MPRIP: variants seen among roughly 807,000 people sequenced by gnomAD.
The protein encoded by MPRIP is myosin phosphatase Rho-interacting protein.
In MPRIP, 59 loss-of-function variants were observed where a neutral mutation model predicts 234.9. The observed-to-expected ratio is 0.25, with a 90% confidence interval of 0.20 to 0.31. MPRIP has a LOEUF of 0.31. Ranked by LOEUF, MPRIP falls within the 10% of genes least tolerant of loss-of-function variation. MPRIP has a pLI of 1.00. For synonymous variants in MPRIP, 1,144 were observed against 1,263.9 expected (o/e 0.91, Z 2.01); for missense variants, 2,436 against 3,071.0 (o/e 0.79, Z 4.89).
intron 16 of MPRIP, among the ~76,000 whole-genome samples, chr17:17,169,277 G>T (rs191405914): frequency 1.3e-5 from 2 of 152,160 alleles, no homozygotes; most frequent in African/African-American, 4.8e-5. Flanking sequence ...CCCCAAATAC[G>T]CTTGCTAGTG....
chr17:17,168,714 A>T (rs1285769491), intron 16 of MPRIP: 2 of 379,108 alleles, frequency 5.3e-6, no homozygotes, highest in South Asian at 3.9e-5. Flanking sequence ...AAAGTTTACC[A>T]TGATACCTGT....
chr17:17,127,943 C>T (rs976790780), intron 4 of MPRIP, among the ~76,000 whole-genome samples: 2 of 152,126 alleles, frequency 1.3e-5, no homozygotes, highest in Non-Finnish European at 2.9e-5. Flanking sequence ...GTGCTCTCCC[C>T]TAGAGTCCTC....
At chr17:17,139,555 CAG>C in intron 7 of MPRIP, among the ~76,000 whole-genome samples, 1 of 152,216 alleles carries the variant, frequency 6.6e-6, no homozygotes, top group East Asian at 1.9e-4. Flanking sequence ...ACCTGGAGCT[CAG>C]AGTTAGAGAC....
chr17:17,174,180 T>C (rs1282159334), intron 19 of MPRIP, 105 bp downstream of exon 19: 1 of 1,368,596 alleles, frequency 7.3e-7, no homozygotes, highest in Non-Finnish European at 9.9e-7. Flanking sequence ...GGCCTCACCC[T>C]CAAAGTGGCA....
At chr17:17,126,588 G>C in intron 3 of MPRIP, 114 bp from the exon 4 acceptor site, 1 of 1,216,520 alleles carries the variant, frequency 8.2e-7, no homozygotes, top group Non-Finnish European at 1.1e-6. Flanking sequence ...TGGAGTGAGG[G>C]AGAGCACTCC....
In MPRIP at chr17:17,146,167, CA is replaced by C. The variant is rs1329178873; in HGVS notation, c.1560+76del. 1.4e-5 allele frequency: 20 copies of C among 1,403,508 alleles called. No homozygotes were observed. In the East Asian group the frequency reaches 2.3e-4, roughly 16 times the overall value. The allele number at this position is 1,403,508 out of a possible 1,614,324, so 86.9% of individuals were successfully genotyped here. A position where few individuals can be genotyped will look rare whatever the true frequency, so the allele number is the denominator to read the frequency against. On this transcript the variant is annotated intron_variant, in intron 10 of 23. Transcript: ENST00000651222. ...AGGGTGAGCTGTCCTTGTCCCCAGCCAGTCTGCAAGTGCTGGCTCCATGCCT... is the reference window on the plus strand; with the variant it reads ...AGGGTGAGCTGTCCTTGTCCCCAGCCGTCTGCAAGTGCTGGCTCCATGCCT...
In MPRIP at chr17:17,177,264, A is replaced by G; in HGVS notation, c.6972A>G (p.Ala2324=). ...TCACTCCCAAGGACAAGAAGTACGCAAGTGACAAGTACAAAGACATCTACA... is the reference window on the plus strand; with the variant it reads ...TCACTCCCAAGGACAAGAAGTACGCGAGTGACAAGTACAAAGACATCTACA... The part of the protein sequence containing the change: ...LQTALRDKKY[A]SDKYKDIYTE... The change falls in exon 22 of 24, where the codon GCA becomes GCG. Residue 2324 remains alanine (A), a synonymous_variant. Transcript: ENST00000651222. 2 of 1,610,950 alleles carry G rather than the reference A, an allele frequency of 1.2e-6. No individual in the cohort carries two copies. Among genetic ancestry groups the G allele is most frequent in the Non-Finnish European group, 1.7e-6 (2 of 1,178,612 alleles).
rs757703750 is a variant in MPRIP, at chr17:17,146,061, G to C, written c.1529G>C (p.Gly510Ala). ...CCCGACCTGCTGAATTTCAAGAAAG[G>C]CTGGCTGACTAAGCAGTATGAGGAC... The part of the protein sequence containing the change: ...VTPDLLNFKK[G>A]WLTKQYEDGQ... Residue 510 changes from glycine to alanine, a missense_variant, in exon 10 of 24, where the codon GGC (glycine) becomes GCC (alanine). Physicochemically the swap from Gly to Ala is moderately conservative, Grantham distance 60. This residue lies in a region of MPRIP where 1,998 missense variants were observed against 2,520.3 expected (regional missense o/e 0.79). Transcript: ENST00000651222. 2 of 1,614,094 alleles carry C rather than the reference G, an allele frequency of 1.2e-6. No individual in the cohort carries two copies. The highest frequency in any genetic ancestry group is 1.7e-6 in the Non-Finnish European group (2 of 1,180,030).
At chr17:17,067,191 T>TA (rs1357758525) in intron 1 of MPRIP, among the ~76,000 whole-genome samples, 2 of 152,246 alleles carry the variant, frequency 1.3e-5, no homozygotes, top group African/African-American at 2.4e-5. Context: ...GATTTATTCT[T>TA]ACTGTACATC....
At position 17,165,357 on chromosome 17, in the gene MPRIP, C is replaced by T; in HGVS notation, c.3766C>T (p.Leu1256=). Residue 1256 remains leucine (L), a synonymous_variant, in exon 16 of 24, where the codon CTA becomes TTA. Coordinates refer to ENST00000651222, the MANE Select transcript of MPRIP (RefSeq NM_001364716.4). ...GQPVQATRAP[L]GLPHTRLEDE... The stretch of plus-strand genomic sequence containing the variant: ...ACCAGTCCAAGCCACTAGGGCACCT[C>T]TAGGCCTCCCACACACAAGGCTCGA... 1 of 1,304,172 alleles carries T rather than the reference C, an allele frequency of 7.7e-7. No homozygotes were observed. Among genetic ancestry groups the T allele is most frequent in the Non-Finnish European group, 1.0e-6 (1 of 988,958 alleles). The allele number at this position is 1,304,172 out of a possible 1,614,324, so 80.8% of individuals were successfully genotyped here. A position where few individuals can be genotyped will look rare whatever the true frequency, so the allele number is the denominator to read the frequency against.
chr17:17,096,921 G>T (rs2089860372), intron 3 of MPRIP: 7 of 412,998 alleles, frequency 1.7e-5, no homozygotes, highest in Non-Finnish European at 3.6e-5. Flanking sequence ...CTCGTCGGCT[G>T]CTGGGAAGAC....
At position 17,158,636 on chromosome 17, in the gene MPRIP, G is replaced by A. The variant is rs1277223286; in HGVS notation, c.2034G>A (p.Val678=). The change falls in exon 14 of 24, where the codon GTG becomes GTA. Residue 678 remains valine (V), a synonymous_variant. Transcript: ENST00000651222. Reference sequence around the variant, plus strand: ...AGCAGGCCCTGGCTCAGGAGCGGGTGGGCGGCGTGGGGCCTGCTGACACCC... The same window carrying A: ...AGCAGGCCCTGGCTCAGGAGCGGGTAGGCGGCGTGGGGCCTGCTGACACCC... ...PIQQALAQER[V]GGVGPADTHE... The A allele has an allele frequency of 1.1e-5, 18 of 1,600,584 alleles. No homozygotes were observed. The highest frequency in any genetic ancestry group is 1.5e-5 in the Non-Finnish European group (18 of 1,174,234).
chr17:17,167,807 G>A lies in MPRIP; in HGVS notation c.6216G>A (p.Glu2072=), dbSNP rs2046037131. The stretch of plus-strand genomic sequence containing the variant: ...CGGGGCTGAGGGAGCGCATCCAGGA[G>A]CTGGAGGCCCAGATGGATGTCATGC... ...SMTGLRERIQ[E]LEAQMDVMRE... The change falls in exon 16 of 24, where the codon GAG becomes GAA. Residue 2072 remains glutamate (E), a synonymous_variant. Transcript: ENST00000651222. The surrounding 1 kb of genome is among the most constrained non-coding windows in gnomAD (Gnocchi z 5.9). The A allele has an allele frequency of 7.7e-7, 1 of 1,304,168 alleles. No individual in the cohort carries two copies. The highest frequency in any genetic ancestry group is 2.3e-5 in the Admixed American group (1 of 43,556). The allele number at this position is 1,304,168 out of a possible 1,614,324, so 80.8% of individuals were successfully genotyped here.
At chr17:17,112,390 C>T (rs2090190440) in intron 3 of MPRIP, among the ~76,000 whole-genome samples, 1 of 152,180 alleles carries the variant, frequency 6.6e-6, no homozygotes, top group South Asian at 2.1e-4. Flanking sequence ...GCCCTCTCTT[C>T]CCCCCGTATC....
intron 4 of MPRIP, 99 bp from the exon 5 acceptor site, chr17:17,131,518 A>G: frequency 2.1e-6 from 2 of 964,942 alleles, no homozygotes; most frequent in South Asian, 2.7e-5. Context: ...ACTGGGGACA[A>G]TGCCCTGCTC....
chr17:17,149,997 A>G, intron 11 of MPRIP, 147 bp from the exon 12 acceptor site: 1 of 641,374 alleles, frequency 1.6e-6, no homozygotes, highest in Non-Finnish European at 2.8e-6. Flanking sequence ...TGGGTCATGC[A>G]GTAGTAGGAT....
intron 3 of MPRIP, among the ~76,000 whole-genome samples, chr17:17,087,462 C>G (rs2089616842): frequency 6.6e-6 from 1 of 152,184 alleles, no homozygotes; most frequent in Admixed American, 6.5e-5. Context: ...TGGAGCAGAA[C>G]GTGCCAGAGT....
chr17:17,158,983 CCT>C lies in MPRIP; in HGVS notation c.2386_2387del (p.Leu796AlafsTer38). ...GACCGGCTCTCCACACACGAGCTGA[CCT>C]CTCTGCTCGAGAAGGAGGTAATAGC... On this transcript the variant is annotated frameshift_variant, in exon 14 of 24. Transcript: ENST00000651222. LOFTEE classifies it high-confidence loss of function. 6.2e-7 allele frequency: 1 copy of C among 1,612,344 alleles called. No homozygotes were observed. The highest frequency in any genetic ancestry group is 8.5e-7 in the Non-Finnish European group (1 of 1,179,596).
At chr17:17,091,868 C>G (rs117018336) in intron 3 of MPRIP, among the ~76,000 whole-genome samples, 1 of 152,172 alleles carries the variant, frequency 6.6e-6, no homozygotes, top group Non-Finnish European at 1.5e-5. Flanking sequence ...TTGTGCTCCA[C>G]GAGAAAAGAT....
Sources: gnomAD v4.1 joint callset for allele counts (sites outside exome capture counted in the v4.1 genomes callset) on GRCh38, gnomAD v4.1.1 for gene constraint, gnomAD v4.1.1 regional missense constraint, Gnocchi (gnomAD v3.1) non-coding constraint, MANE v1.5 for transcripts, NCBI Gene and HGNC (gene_info 2026-07-23, HGNC 2026-07-21) for gene names.